CSMD3: variants seen among roughly 807,000 people sequenced by gnomAD.
The protein encoded by CSMD3 is CUB and sushi domain-containing protein 3.
A neutral mutation model predicts 435.2 loss-of-function variants in CSMD3; 177 were observed. The observed-to-expected ratio is 0.41, with a 90% confidence interval of 0.36 to 0.46. The LOEUF is 0.46. Among genes scored for constraint, CSMD3 ranks in the 20% least tolerant of loss-of-function variants. CSMD3 has a pLI of 0.34. For missense variants in CSMD3, 4,265 were observed against 4,504.6 expected, an observed-to-expected ratio of 0.95 and a Z score of 1.52; for synonymous variants, 1,656 against 1,520.5, an observed-to-expected ratio of 1.09 and a Z score of -2.07.
At chr8:112,255,597 C>T (rs1815709330) in intron 61 of CSMD3, 170 bp from the exon 62 acceptor site, 2 of 628,088 alleles carry the variant, frequency 3.2e-6, no homozygotes, top group South Asian at 2.0e-5. Flanking sequence ...CAGATAAATA[C>T]TGAATTGAAA....
intron 13 of CSMD3, among the ~76,000 whole-genome samples, chr8:112,710,432 A>C (rs188904176): frequency 7.2e-5 from 11 of 152,260 alleles, no homozygotes; most frequent in African/African-American, 2.4e-4. Context: ...AATAATAAAA[A>C]TAATTTTCTT....
chr8:112,383,436 C>G, intron 37 of CSMD3, 131 bp downstream of exon 37: 1 of 649,600 alleles, frequency 1.5e-6, no homozygotes, highest in Non-Finnish European at 2.8e-6. Flanking sequence ...AAACTTCAGT[C>G]CTTGTATCTT....
chr8:112,710,070 C>A (rs1369257878), intron 13 of CSMD3, among the ~76,000 whole-genome samples: 2 of 152,078 alleles, frequency 1.3e-5, no homozygotes, highest in African/African-American at 4.8e-5. Flanking sequence ...TGCAATCTCC[C>A]AGTTTCTGTG....
chr8:112,517,318 T>G (rs2130991590), intron 27 of CSMD3, 93 bp from the exon 28 acceptor site: 1 of 881,030 alleles, frequency 1.1e-6, no homozygotes, highest in African/African-American at 1.7e-5. Context: ...TTTTAAAATT[T>G]TGGGGTCAAT....
chr8:113,048,265 T>C (rs2087929708), intron 5 of CSMD3, among the ~76,000 whole-genome samples: 1 of 151,972 alleles, frequency 6.6e-6, no homozygotes. Flanking sequence ...GCTAATTTGT[T>C]TGTATTTTTA....
chr8:112,267,923 T>C (rs1817103123), intron 59 of CSMD3, among the ~76,000 whole-genome samples: 1 of 151,926 alleles, frequency 6.6e-6, no homozygotes, highest in South Asian at 2.1e-4. Context: ...CAGCTTGTTT[T>C]CAGAGACAAC....
At chr8:112,263,133 T>G (rs1335752167) in intron 61 of CSMD3, among the ~76,000 whole-genome samples, 1 of 95,748 alleles carries the variant, frequency 1.0e-5, no homozygotes, top group African/African-American at 5.2e-5. Flanking sequence ...TACAGCAACC[T>G]CTGTAAAAAA....
chr8:112,928,057 C>T (rs2082970205), intron 9 of CSMD3, among the ~76,000 whole-genome samples: 1 of 152,064 alleles, frequency 6.6e-6, no homozygotes, highest in African/African-American at 2.4e-5. Flanking sequence ...TACTCAGCTT[C>T]AGATAAATTC....
At chr8:113,409,318 C>T (rs1240070597) in intron 1 of CSMD3, among the ~76,000 whole-genome samples, 3 of 151,576 alleles carry the variant, frequency 2.0e-5, no homozygotes, top group African/African-American at 4.9e-5. Context: ...CTCCTGACCT[C>T]GTGAAGCACC....
intron 3 of CSMD3, among the ~76,000 whole-genome samples, chr8:113,198,031 G>A (rs1043230991): frequency 5.3e-5 from 8 of 151,234 alleles, no homozygotes; most frequent in African/African-American, 1.7e-4. Context: ...ACCAATTAAT[G>A]TTGGGATAAT....
At chr8:113,243,777 T>C (rs1218251232) in intron 3 of CSMD3, among the ~76,000 whole-genome samples, 1 of 152,148 alleles carries the variant, frequency 6.6e-6, no homozygotes, top group Non-Finnish European at 1.5e-5. Context: ...ACACTTACTA[T>C]TGTGTATCTT....
At chr8:112,988,141 C>T (rs1275381456) in intron 6 of CSMD3, among the ~76,000 whole-genome samples, 1 of 152,022 alleles carries the variant, frequency 6.6e-6, no homozygotes, top group African/African-American at 2.4e-5. Flanking sequence ...ATAGTCTAGT[C>T]GCTACAAAGG....
At chr8:113,190,008 C>T (rs1279537793) in intron 3 of CSMD3, among the ~76,000 whole-genome samples, 3 of 151,506 alleles carry the variant, frequency 2.0e-5, no homozygotes, top group African/African-American at 7.3e-5. Context: ...TTAGAAATGA[C>T]TCTTCATGTG....
intron 29 of CSMD3, among the ~76,000 whole-genome samples, chr8:112,505,375 C>G (rs1353735949): frequency 6.6e-6 from 1 of 151,958 alleles, no homozygotes; most frequent in Non-Finnish European, 1.5e-5. Flanking sequence ...TACTTATTAC[C>G]CTTGTTCTGA....
chr8:112,783,861 C>T (rs12682563), intron 13 of CSMD3, among the ~76,000 whole-genome samples: 50,398 of 151,110 alleles, frequency 0.33, 9,249 homozygotes, highest in African/African-American at 0.5. Flanking sequence ...AAGGTCAATA[C>T]ATGTTGATAA....
At chr8:112,309,810 G>T (rs988462327) in intron 50 of CSMD3, among the ~76,000 whole-genome samples, 2 of 152,056 alleles carry the variant, frequency 1.3e-5, no homozygotes, top group African/African-American at 2.4e-5. Flanking sequence ...ATAGGTAAAA[G>T]AAGCCATTTC....
At chr8:112,447,333 A>G (rs1815720872) in intron 32 of CSMD3, among the ~76,000 whole-genome samples, 1 of 152,170 alleles carries the variant, frequency 6.6e-6, no homozygotes, top group Non-Finnish European at 1.5e-5. Flanking sequence ...GCCATTACCC[A>G]GCTTCAGCAA....
chr8:112,747,183 C>CCTTT (rs2077448092), intron 13 of CSMD3, among the ~76,000 whole-genome samples: 1 of 26,942 alleles, frequency 3.7e-5, no homozygotes, highest in African/African-American at 2.6e-4. Flanking sequence ...GCACACTTCC[C>CCTTT]TTTTTTTTTT....
chr8:112,572,680 G>C (rs1586710786), intron 24 of CSMD3, among the ~76,000 whole-genome samples: 2 of 152,134 alleles, frequency 1.3e-5, no homozygotes, highest in South Asian at 4.1e-4. Flanking sequence ...ATTAATGAGT[G>C]CTCTGACCTT....
Sources: allele counts gnomAD v4.1 joint callset (sites outside exome capture counted in the v4.1 genomes callset), GRCh38; gene constraint gnomAD v4.1.1; transcripts MANE v1.5; gene names NCBI Gene and HGNC (gene_info 2026-07-23, HGNC 2026-07-21).